The following MEF2C variants were observed in gnomAD, a reference collection of about 807,000 sequenced individuals.
MEF2C encodes the protein myocyte enhancer factor 2C.
In MEF2C, 6 loss-of-function variants were observed where a neutral mutation model predicts 50.5. That is an observed-to-expected ratio of 0.12 (90% confidence interval 0.07 to 0.23). The LOEUF is 0.23. Among genes scored for constraint, MEF2C ranks in the 10% least tolerant of loss-of-function variants. The pLI is 1.00. For missense variants in MEF2C, 276 were observed against 605.0 expected, an observed-to-expected ratio of 0.46 and a Z score of 5.70; for synonymous variants, 183 against 228.0, an observed-to-expected ratio of 0.80 and a Z score of 1.78.
chr5:88,791,345 T>C (rs1793649230), intron 3 of MEF2C, among the ~76,000 whole-genome samples: 3 of 152,128 alleles, frequency 2.0e-5, no homozygotes, highest in African/African-American at 7.2e-5. Flanking sequence ...TCATGTAAAA[T>C]AATAATGATG....
rs1328453385 is a variant in MEF2C at position 88,751,398 on chromosome 5, GATAAGTTACTGT to G, written c.589+447_589+458del. The G allele has an allele frequency of 1.7e-5, 17 of 985,150 alleles. No homozygotes were observed. The East Asian group carries it at 1.2e-3, about 72-fold the overall frequency. 61.0% of individuals were successfully genotyped at this position (985,150 alleles called of 1,614,324 possible). ...TCCTTTCTGCCTAAGTCCTTTGTGG[GATAAGTTACTGT>G]ATAAATAAAAAAAAATTGACCCAAA... is the stretch of plus-strand genomic sequence containing the variant. On this transcript the variant is annotated intron_variant, in intron 5 of 10. Transcript: ENST00000504921.
At chr5:88,740,233 CGTGTGTGT>C (rs59497216) in intron 6 of MEF2C, 305 of 965,200 alleles carry the variant, frequency 3.2e-4, no homozygotes, top group South Asian at 2.8e-3. Flanking sequence ...AGCGATTTTG[CGTGTGTGT>C]GTGTGTGTGT....
chr5:88,739,195 A>AT (rs1378278998), intron 6 of MEF2C: 22 of 976,838 alleles, frequency 2.3e-5, no homozygotes, highest in Non-Finnish European at 2.7e-5. Flanking sequence ...TATAAAAATA[A>AT]TTTTGTTTAG....
intron 6 of MEF2C, chr5:88,743,984 C>A: frequency 1.1e-6 from 1 of 952,082 alleles, no homozygotes; most frequent in Non-Finnish European, 1.3e-6. Context: ...GTAAAATTAT[C>A]TTAAATGTTC....
At chr5:88,737,559 A>T in intron 6 of MEF2C, 1 of 985,438 alleles carries the variant, frequency 1.0e-6, no homozygotes, top group Non-Finnish European at 1.2e-6. Context: ...TAATTTACTC[A>T]TACAGAACTT....
At chr5:88,762,318 C>T (rs764790643) in intron 3 of MEF2C, among the ~76,000 whole-genome samples, 8 of 152,204 alleles carry the variant, frequency 5.3e-5, no homozygotes, top group African/African-American at 1.2e-4. Flanking sequence ...TGCTCTGTCG[C>T]CCAGGCTGGA....
At chr5:88,892,251 C>G (rs1455683960) in intron 1 of MEF2C, 1 of 151,968 alleles carries the variant, frequency 6.6e-6, no homozygotes, top group African/African-American at 2.4e-5. Context: ...AGCTGTGTGG[C>G]CAACAGCCAA....
chr5:88,892,863 A>G (rs1308814314), intron 1 of MEF2C, among the ~76,000 whole-genome samples: 16 of 152,132 alleles, frequency 1.1e-4, no homozygotes. Context: ...TTGTCTCCTG[A>G]TGTCATTCCA....
intron 6 of MEF2C, chr5:88,737,679 AGAAGGAATGCAG>A: frequency 1.0e-6 from 1 of 985,370 alleles, no homozygotes; most frequent in Non-Finnish European, 1.2e-6. Flanking sequence ...CTTTGCGGAG[AGAAGGAATGCAG>A]GACAGAGAGA....
Position 88,838,742 on chromosome 5 carries a change from G to A in MEF2C, c.-142-14812C>T, listed in dbSNP as rs547794502. On this transcript the variant is annotated intron_variant, in intron 1 of 10. Transcript: ENST00000504921. ...CTTGCCACTCCTCTTTTTCCTTCTC[G>A]TTATGCTCTTTCTCTTTCTTCTCCT... 1.1e-5 allele frequency: 11 copies of A among 983,786 alleles called. No individual in the cohort carries two copies. The South Asian group carries it at 3.3e-4, about 29-fold the overall frequency. 60.9% of individuals were successfully genotyped at this position (983,786 alleles called of 1,614,324 possible). A position where few individuals can be genotyped will look rare whatever the true frequency, so the allele number is the denominator to read the frequency against.
At chr5:88,843,393 T>C (rs917324024) in intron 1 of MEF2C, 1 of 985,164 alleles carries the variant, frequency 1.0e-6, no homozygotes, top group East Asian at 1.1e-4. Flanking sequence ...ATTGTTGAAA[T>C]TAAGCTAAAA....
At chr5:88,848,715 CATT>C (rs1340028972) in intron 1 of MEF2C, among the ~76,000 whole-genome samples, 1 of 152,098 alleles carries the variant, frequency 6.6e-6, no homozygotes, top group African/African-American at 2.4e-5. Context: ...TTGCCTATGT[CATT>C]CTTCTCTGTG....
chr5:88,849,418 C>A (rs1488430700), intron 1 of MEF2C, among the ~76,000 whole-genome samples: 1 of 152,034 alleles, frequency 6.6e-6, no homozygotes, highest in Non-Finnish European at 1.5e-5. Flanking sequence ...ATAATAAGGT[C>A]ATATGCACAT....
chr5:88,843,036 G>A (rs1416593855), intron 1 of MEF2C, among the ~76,000 whole-genome samples: 2 of 152,048 alleles, frequency 1.3e-5, no homozygotes, highest in Non-Finnish European at 1.5e-5. Context: ...GGGTATGACA[G>A]ACAGAGATCA....
Position 88,751,061 on chromosome 5 carries a change from T to C in MEF2C, c.589+796A>G, listed in dbSNP as rs961403317. ...TTGTTATATTCAATACGCATTGACT[T>C]GGTTCCTACTGTTAGTTTAGCAAAT... On this transcript the variant is annotated intron_variant, in intron 5 of 10. Coordinates refer to ENST00000504921, the MANE Select transcript of MEF2C (RefSeq NM_002397.5). 8.2e-6 allele frequency: 8 copies of C among 981,232 alleles called. No homozygotes were observed. In the African/African-American group the frequency reaches 1.4e-4, roughly 17 times the overall value. 60.8% of individuals were successfully genotyped at this position (981,232 alleles called of 1,614,324 possible). A position where few individuals can be genotyped will look rare whatever the true frequency, so the allele number is the denominator to read the frequency against.
chr5:88,730,753 T>G (rs980991027), intron 7 of MEF2C, among the ~76,000 whole-genome samples: 1 of 152,218 alleles, frequency 6.6e-6, no homozygotes, highest in Non-Finnish European at 1.5e-5. Flanking sequence ...TTATGTGATG[T>G]TTTTGGTTGA....
At chr5:88,829,689 G>A (rs1222592043) in intron 1 of MEF2C, among the ~76,000 whole-genome samples, 1 of 151,900 alleles carries the variant, frequency 6.6e-6, no homozygotes, top group Non-Finnish European at 1.5e-5. Flanking sequence ...TCTCCTATGT[G>A]GAATTAGAAT....
chr5:88,751,593 G>GA, intron 5 of MEF2C: 1 of 923,212 alleles, frequency 1.1e-6, no homozygotes, highest in Non-Finnish European at 1.3e-6. Context: ...CATCCTGTTT[G>GA]AGAGTATGTG....
chr5:88,775,715 G>T, intron 3 of MEF2C: 2 of 650,012 alleles, frequency 3.1e-6, no homozygotes, highest in Non-Finnish European at 3.8e-6. Context: ...CATTTCCCAT[G>T]ACTGCATATA....
Sources: gnomAD v4.1 joint callset for allele counts (sites outside exome capture counted in the v4.1 genomes callset) on GRCh38, gnomAD v4.1.1 for gene constraint, MANE v1.5 for transcripts, NCBI Gene and HGNC (gene_info 2026-07-23, HGNC 2026-07-21) for gene names.